The following PDK1 variants were observed in gnomAD, a reference collection of about 807,000 sequenced individuals.
PDK1 encodes pyruvate dehydrogenase kinase 1.
Under a neutral mutation model 54.2 loss-of-function variants are expected in PDK1, and 39 were observed. That is an observed-to-expected ratio of 0.72 (90% CI 0.56 to 0.94). The LOEUF (loss-of-function observed/expected upper bound fraction) is 0.94, where lower values mean the gene tolerates loss of function less well. Ranked by LOEUF, PDK1 falls within the 40% of genes least tolerant of loss-of-function variation. PDK1 has a pLI of 0.00. For missense variants in PDK1, 552 were observed against 566.0 expected (o/e 0.98, Z 0.25); for synonymous variants, 221 against 207.1 (o/e 1.07, Z -0.58).
rs1158985864 is a variant in PDK1, at chr2:172,573,685, G to T, written c.945+2861G>T. ...TAGATATATATATATGTATATAGGG[G>T]TTACTAGTCCCTGATGAGATGTATG... On this transcript the variant is annotated intron_variant, in intron 8 of 10. Transcript: ENST00000282077. Among the ~76,000 whole-genome samples, 5 of 151,318 alleles carry T rather than the reference G, an allele frequency of 3.3e-5. No homozygotes were observed. In the East Asian group the frequency reaches 9.7e-4, roughly 29 times the overall value.
chr2:172,590,002 C>T (rs561257264), intron 9 of PDK1, among the ~76,000 whole-genome samples: 2 of 152,052 alleles, frequency 1.3e-5, no homozygotes, highest in African/African-American at 4.8e-5. Context: ...CTAGAAAGCT[C>T]TTTTTAGAAG....
chr2:172,701,647 T>TG, the PDK1 span, among the ~76,000 whole-genome samples: 1 of 89,028 alleles, frequency 1.1e-5, no homozygotes, highest in Admixed American at 1.1e-4. Context: ...TTTTTTGTTT[T>TG]GTTTTTTTTT....
chr2:172,694,346 T>G, the PDK1 span, among the ~76,000 whole-genome samples: 1 of 152,176 alleles, frequency 6.6e-6, no homozygotes, highest in Admixed American at 6.5e-5. Context: ...GAATTTTATT[T>G]CTTCACAGAG....
chr2:172,573,273 T>C (rs560137855), intron 8 of PDK1, among the ~76,000 whole-genome samples: 1 of 152,322 alleles, frequency 6.6e-6, no homozygotes, highest in East Asian at 1.9e-4. Context: ...TTTTTTATTA[T>C]AGACATTATT....
At chr2:172,564,259 T>A in intron 3 of PDK1, 1 of 537,854 alleles carries the variant, frequency 1.9e-6, no homozygotes, top group South Asian at 2.1e-5. Context: ...GTGGCAGCCT[T>A]ACTCTTAGGA....
At chr2:172,566,471 C>T (rs982673517) in intron 5 of PDK1, among the ~76,000 whole-genome samples, 29 of 152,002 alleles carry the variant, frequency 1.9e-4, no homozygotes, top group African/African-American at 6.3e-4. Context: ...GCAGGAGAAT[C>T]GCTTGAACCA....
chr2:172,587,799 C>G (rs538156493), intron 9 of PDK1, among the ~76,000 whole-genome samples: 25 of 152,206 alleles, frequency 1.6e-4, no homozygotes, highest in African/African-American at 6.0e-4. Context: ...GGTGTGTTTA[C>G]AAACCTTTAG....
the PDK1 span, among the ~76,000 whole-genome samples, chr2:172,686,976 T>C: frequency 6.6e-6 from 1 of 152,224 alleles, no homozygotes; most frequent in Non-Finnish European, 1.5e-5. Flanking sequence ...AGGAAGAGAA[T>C]AACATATGCA....
chr2:172,628,635 A>G, the PDK1 span, among the ~76,000 whole-genome samples: 1 of 152,182 alleles, frequency 6.6e-6, no homozygotes. Context: ...TCATAGGATC[A>G]TACTATCACA....
At chr2:172,559,040 C>T (rs898182537) in intron 2 of PDK1, among the ~76,000 whole-genome samples, 191 bp downstream of exon 2, 2 of 152,226 alleles carry the variant, frequency 1.3e-5, no homozygotes, top group Admixed American at 6.5e-5. Context: ...GCTCCGCCTC[C>T]CGGGTTCAGG....
the PDK1 span, among the ~76,000 whole-genome samples, chr2:172,710,610 CACT>C: frequency 3.3e-5 from 5 of 152,210 alleles, no homozygotes; most frequent in African/African-American, 1.2e-4. Flanking sequence ...TATGGTCCTG[CACT>C]ACTGGGCAAA....
At chr2:172,652,766 A>T in the PDK1 span, among the ~76,000 whole-genome samples, 1 of 152,208 alleles carries the variant, frequency 6.6e-6, no homozygotes, top group Non-Finnish European at 1.5e-5. Flanking sequence ...CTTACAAGGG[A>T]TGTGAAGGAC....
the PDK1 span, among the ~76,000 whole-genome samples, chr2:172,721,350 T>C: frequency 2.0e-5 from 3 of 152,214 alleles, no homozygotes; most frequent in Admixed American, 2.0e-4. Context: ...ATCTTTTTGT[T>C]GTTGTTTTGA....
At chr2:172,707,849 A>G in the PDK1 span, among the ~76,000 whole-genome samples, 2 of 152,242 alleles carry the variant, frequency 1.3e-5, no homozygotes, top group Non-Finnish European at 2.9e-5. Flanking sequence ...GTTAGAAAAT[A>G]GAAATGTTTG....
upstream of PDK1, chr2:172,556,070 C>A: frequency 9.1e-7 from 1 of 1,101,054 alleles, no homozygotes; most frequent in Non-Finnish European, 1.2e-6. Flanking sequence ...CCCTGCTGCC[C>A]GCCACGTCCC....
the PDK1 span, among the ~76,000 whole-genome samples, chr2:172,671,991 T>TC: frequency 6.6e-6 from 1 of 152,210 alleles, no homozygotes; most frequent in Non-Finnish European, 1.5e-5. Context: ...CTGCCGTTTT[T>TC]CTCTTACTAT....
At chr2:172,693,939 C>T in the PDK1 span, among the ~76,000 whole-genome samples, 8,516 of 152,276 alleles carry the variant, frequency 0.056, 1,014 homozygotes, top group East Asian at 0.54. Context: ...TCTTGGGAGC[C>T]TACTGTGCTC....
At chr2:172,559,288 G>T (rs1688529832) in intron 2 of PDK1, among the ~76,000 whole-genome samples, 1 of 152,138 alleles carries the variant, frequency 6.6e-6, no homozygotes, top group Admixed American at 6.5e-5. Context: ...TTGGCTGGGG[G>T]CAGGTGGGGG....
At chr2:172,684,036 A>G in the PDK1 span, among the ~76,000 whole-genome samples, 5 of 152,254 alleles carry the variant, frequency 3.3e-5, no homozygotes, top group Admixed American at 1.3e-4. Context: ...GGCAGCAGAA[A>G]TGGTAAGTTG....
Sources: gnomAD v4.1 joint callset for allele counts (sites outside exome capture counted in the v4.1 genomes callset) on GRCh38, gnomAD v4.1.1 for gene constraint, MANE v1.5 for transcripts, NCBI Gene and HGNC (gene_info 2026-07-23, HGNC 2026-07-21) for gene names.